Variants in GABBR1 observed in about 807,000 individuals in gnomAD.
GABBR1 encodes GABA-B receptor, R1 subunit.
In GABBR1, 35 loss-of-function variants were observed where a neutral mutation model predicts 117.7. That is an observed-to-expected ratio of 0.30 (90% CI 0.23 to 0.39). The LOEUF is 0.39. GABBR1 is among the 10% of genes least tolerant of loss of function. The pLI, the probability that GABBR1 is intolerant of heterozygous loss-of-function variation, is 1.00. For synonymous variants in GABBR1, 442 were observed against 486.6 expected, an observed-to-expected ratio of 0.91 and a Z score of 1.21; for missense variants, 709 against 1,241.8, an observed-to-expected ratio of 0.57 and a Z score of 6.45.
At chr6:29,616,983 TAAAAAAA>T (rs28383952) in intron 11 of GABBR1, among the ~76,000 whole-genome samples, 2 of 71,680 alleles carry the variant, frequency 2.8e-5, no homozygotes, top group African/African-American at 5.0e-5. Context: ...CCGTCTCTAC[TAAAAAAA>T]AAAAAAAAAA....
chr6:29,621,638 C>G lies in GABBR1; in HGVS notation c.1131+114G>C, dbSNP rs1024630237. 1.5e-5 allele frequency: 13 copies of G among 879,684 alleles called. No individual in the cohort carries two copies. The African/African-American group carries it at 2.2e-4, about 15-fold the overall frequency. The allele number at this position is 879,684 out of a possible 1,614,324, so 54.5% of individuals were successfully genotyped here. On this transcript the variant is annotated intron_variant, in intron 10 of 22. Transcript: ENST00000377034. The surrounding 1 kb of genome is among the most constrained non-coding windows in gnomAD (Gnocchi z 5.0). ...CAACAGACAGAGACATCCTATGAAT[C>G]GTCACCTCAGATCATATGCTATCAA...
intron 4 of GABBR1, 200 bp from the exon 5 acceptor site, chr6:29,629,307 G>T (rs567823196): frequency 2.9e-6 from 2 of 700,380 alleles, no homozygotes; most frequent in Admixed American, 2.0e-5. Flanking sequence ...TTTCTTCTTC[G>T]ATTTTTCATA....
chr6:29,604,439 A>G lies in GABBR1; in HGVS notation c.2712+55T>C. On this transcript the variant is annotated intron_variant, in intron 22 of 22. Coordinates refer to ENST00000377034, the MANE Select transcript of GABBR1 (RefSeq NM_001470.4). This position sits in a 1 kb window ranked among gnomAD's most constrained non-coding sequence, Gnocchi z 5.3. ...GCTTGGCTTCAGACAACCCAAGCTA[A>G]GACGCAAGCCTCCTGGACCACTCCA... 6.2e-7 allele frequency: 1 copy of G among 1,608,738 alleles called. No individual in the cohort carries two copies. The highest frequency in any genetic ancestry group is 8.5e-7 in the Non-Finnish European group (1 of 1,176,314).
chr6:29,605,646 C>A lies in GABBR1; in HGVS notation c.2362G>T (p.Ala788Ser), dbSNP rs748804622. The A allele has an allele frequency of 6.2e-7, 1 of 1,613,104 alleles. No individual in the cohort carries two copies. The highest frequency in any genetic ancestry group is 1.1e-5 in the South Asian group (1 of 91,078). The change falls in exon 20 of 23, where the codon GCT becomes TCT. Residue 788 changes from alanine (A) to serine (S), a missense_variant. By Grantham distance (99) the Ala-to-Ser change is moderately conservative. Around this residue, in one of 9 missense-constraint regions of GABBR1, gnomAD observed 251 missense variants for 445.3 expected, o/e 0.56. Transcript: ENST00000377034. The surrounding 1 kb of genome is among the most constrained non-coding windows in gnomAD (Gnocchi z 4.2). ...GLLLLLGIFLAYETKSVSTEK... is the reference protein window; with the variant it reads ...GLLLLLGIFLSYETKSVSTEK... Reference sequence around the variant, plus strand: ...GTGGACACACTCTTGGTCTCATAAGCAAGGAAGATTCCCAGCAGCAGCAGC... The same window carrying A: ...GTGGACACACTCTTGGTCTCATAAGAAAGGAAGATTCCCAGCAGCAGCAGC...
At chr6:29,624,838 GT>G in intron 6 of GABBR1, among the ~76,000 whole-genome samples, 1 of 152,112 alleles carries the variant, frequency 6.6e-6, no homozygotes, top group East Asian at 1.9e-4. Flanking sequence ...CCAGCCTTGG[GT>G]CTCCCACTGC....
chr6:29,629,665 G>A (rs1764755237), intron 4 of GABBR1, among the ~76,000 whole-genome samples: 1 of 152,136 alleles, frequency 6.6e-6, no homozygotes, highest in Non-Finnish European at 1.5e-5. Flanking sequence ...ACTGAGTTAT[G>A]TGAGGAAAGT....
chr6:29,613,585 T>C lies in GABBR1; in HGVS notation c.1324-100A>G. 7.1e-7 allele frequency: 1 copy of C among 1,401,024 alleles called. No individual in the cohort carries two copies. Among genetic ancestry groups the C allele is most frequent in the Non-Finnish European group, 9.8e-7 (1 of 1,020,906 alleles). 86.8% of individuals were successfully genotyped at this position (1,401,024 alleles called of 1,614,324 possible). ...ACTCAATCACTTCTACTTGAATGGA[T>C]GGTTTGTGTTACTGTTGTCAGATTG... is the stretch of plus-strand genomic sequence containing the variant. On this transcript the variant is annotated intron_variant, in intron 11 of 22. Coordinates refer to ENST00000377034, the MANE Select transcript of GABBR1 (RefSeq NM_001470.4). This position sits in a 1 kb window ranked among gnomAD's most constrained non-coding sequence, Gnocchi z 4.1.
At chr6:29,612,500 C>T (rs1762651186) in intron 13 of GABBR1, 51 bp downstream of exon 13, 2 of 1,534,918 alleles carry the variant, frequency 1.3e-6, no homozygotes, top group African/African-American at 2.7e-5. Context: ...GCATCCCAGC[C>T]CAGCCCCAGC....
chr6:29,621,337 T>C lies in GABBR1; in HGVS notation c.1132-45A>G. 1 of 1,533,278 alleles carries C rather than the reference T, an allele frequency of 6.5e-7. No homozygotes were observed. Among genetic ancestry groups the C allele is most frequent in the Non-Finnish European group, 9.0e-7 (1 of 1,116,748 alleles). 95.0% of individuals were successfully genotyped at this position (1,533,278 alleles called of 1,614,324 possible). A position where few individuals can be genotyped will look rare whatever the true frequency, so the allele number is the denominator to read the frequency against. The stretch of plus-strand genomic sequence containing the variant: ...GCTGAGTTTTTGTTTGCTCATTTGT[T>C]TGTTTTTGTCTTATCTCACTTGATA... On this transcript the variant is annotated intron_variant, in intron 10 of 22. Transcript: ENST00000377034. This position sits in a 1 kb window ranked among gnomAD's most constrained non-coding sequence, Gnocchi z 5.0.
Position 29,630,235 on chromosome 6 carries a change from A to G in GABBR1, c.475+223T>C, listed in dbSNP as rs3025624. The G allele has an allele frequency of 4.5e-6, 2 of 441,468 alleles. No individual in the cohort carries two copies. Among genetic ancestry groups the G allele is most frequent in the African/African-American group, 3.9e-5 (2 of 51,082 alleles). The allele number at this position is 441,468 out of a possible 1,614,324, so 27.3% of individuals were successfully genotyped here. A position where few individuals can be genotyped will look rare whatever the true frequency, so the allele number is the denominator to read the frequency against. ...GAATCGGGAGCAGGAAGATTTTTTT[A>G]AAAGGTAAAGGAAGGAAGCCCCCAA... On this transcript the variant is annotated intron_variant, in intron 4 of 22. Coordinates refer to ENST00000377034, the MANE Select transcript of GABBR1 (RefSeq NM_001470.4). This position sits in a 1 kb window ranked among gnomAD's most constrained non-coding sequence, Gnocchi z 4.9.
Position 29,602,661 on chromosome 6 carries a change from T to G in GABBR1, c.*882A>C, listed in dbSNP as rs549568955. ...ATATGGCTCTGTCAGAAGAATACCA[T>G]GATTTAAGGGAAGAAAGTACACAAG... On this transcript the variant is annotated 3_prime_UTR_variant, in exon 23 of 23. Coordinates refer to ENST00000377034, the MANE Select transcript of GABBR1 (RefSeq NM_001470.4). 11 of 260,918 alleles carry G rather than the reference T, an allele frequency of 4.2e-5. No individual in the cohort carries two copies. Among genetic ancestry groups the G allele is most frequent in the Admixed American group, 2.1e-4 (4 of 19,420 alleles). 16.2% of individuals were successfully genotyped at this position (260,918 alleles called of 1,614,324 possible).
At chr6:29,624,099 C>T in intron 6 of GABBR1, 75 bp from the exon 7 acceptor site, 2 of 1,390,462 alleles carry the variant, frequency 1.4e-6, no homozygotes, top group South Asian at 1.6e-5. Flanking sequence ...TCTTATCTTT[C>T]TCGAACAAAT....
Position 29,627,713 on chromosome 6 carries a change from C to G in GABBR1, c.497-67G>C. The G allele has an allele frequency of 2.0e-6, 3 of 1,524,966 alleles. No homozygotes were observed. The highest frequency in any genetic ancestry group is 1.4e-5 in the African/African-American group (1 of 72,638). 94.5% of individuals were successfully genotyped at this position (1,524,966 alleles called of 1,614,324 possible). On this transcript the variant is annotated intron_variant, in intron 5 of 22. Transcript: ENST00000377034. The surrounding 1 kb of genome is among the most constrained non-coding windows in gnomAD (Gnocchi z 4.4). ...AGATGGGGGGAGTGGGAGGCCCACACCGGAGCCACCCCTGCCGCCATCACA... is the reference window on the plus strand; with the variant it reads ...AGATGGGGGGAGTGGGAGGCCCACAGCGGAGCCACCCCTGCCGCCATCACA...
rs1430749456 is a variant in GABBR1 at position 29,609,435 on chromosome 6, A to AG, written c.1709-57dup. On this transcript the variant is annotated intron_variant, in intron 14 of 22. Coordinates refer to ENST00000377034, the MANE Select transcript of GABBR1 (RefSeq NM_001470.4). This position sits in a 1 kb window ranked among gnomAD's most constrained non-coding sequence, Gnocchi z 4.3. Reference sequence around the variant, plus strand: ...GGAAAAGAGAAGGGAAGGAGGACAAAGGAATGAAGACGGGATAGGAGAAAA... The same window carrying AG: ...GGAAAAGAGAAGGGAAGGAGGACAAAGGGAATGAAGACGGGATAGGAGAAAA... 6.7e-6 allele frequency: 10 copies of AG among 1,499,858 alleles called. No homozygotes were observed. Among genetic ancestry groups the AG allele is most frequent in the Admixed American group, 1.7e-5 (1 of 58,702 alleles). 92.9% of individuals were successfully genotyped at this position (1,499,858 alleles called of 1,614,324 possible). A position where few individuals can be genotyped will look rare whatever the true frequency, so the allele number is the denominator to read the frequency against.
chr6:29,605,077 G>C lies in GABBR1; in HGVS notation c.2440-89C>G. 2 of 1,336,126 alleles carry C rather than the reference G, an allele frequency of 1.5e-6. No homozygotes were observed. The highest frequency in any genetic ancestry group is 2.0e-6 in the Non-Finnish European group (2 of 990,246). The allele number at this position is 1,336,126 out of a possible 1,614,324, so 82.8% of individuals were successfully genotyped here. On this transcript the variant is annotated intron_variant, in intron 20 of 22. Coordinates refer to ENST00000377034, the MANE Select transcript of GABBR1 (RefSeq NM_001470.4). The surrounding 1 kb of genome is among the most constrained non-coding windows in gnomAD (Gnocchi z 4.2). The stretch of plus-strand genomic sequence containing the variant: ...CTTCCCATGGGAGGGAGTCTATGCA[G>C]ACAGTTTCCTGGTGAACTTTCCCTT...
chr6:29,620,981 C>T lies in GABBR1; in HGVS notation c.1323+120G>A. The stretch of plus-strand genomic sequence containing the variant: ...GCAGACAAGTTCAGGGTGGGCACAG[C>T]CCCCTCTTCTCCTTTATATCCAAAT... On this transcript the variant is annotated intron_variant, in intron 11 of 22. Coordinates refer to ENST00000377034, the MANE Select transcript of GABBR1 (RefSeq NM_001470.4). The surrounding 1 kb of genome is among the most constrained non-coding windows in gnomAD (Gnocchi z 4.5). The T allele has an allele frequency of 1.3e-6, 1 of 761,986 alleles. No homozygotes were observed. Among genetic ancestry groups the T allele is most frequent in the Non-Finnish European group, 2.1e-6 (1 of 479,724 alleles). The allele number at this position is 761,986 out of a possible 1,614,324, so 47.2% of individuals were successfully genotyped here.
rs756755684 is a variant in GABBR1 at position 29,603,383 on chromosome 6, A to C, written c.*160T>G. ...GTTTCCCAGAGGTATGAGAGACCCAAATCAGCCCAGAACTCACAGGGGGAC... is the reference window on the plus strand; with the variant it reads ...GTTTCCCAGAGGTATGAGAGACCCACATCAGCCCAGAACTCACAGGGGGAC... On this transcript the variant is annotated 3_prime_UTR_variant, in exon 23 of 23. Transcript: ENST00000377034. The C allele has an allele frequency of 2.7e-6, 2 of 738,178 alleles. No individual in the cohort carries two copies. Among genetic ancestry groups the C allele is most frequent in the South Asian group, 3.0e-5 (2 of 67,236 alleles). The allele number at this position is 738,178 out of a possible 1,614,324, so 45.7% of individuals were successfully genotyped here. A position where few individuals can be genotyped will look rare whatever the true frequency, so the allele number is the denominator to read the frequency against.
rs1763853983 is a variant in GABBR1 at position 29,622,471 on chromosome 6, C to T, written c.964-266G>A. 3 of 479,722 alleles carry T rather than the reference C, an allele frequency of 6.3e-6. No individual in the cohort carries two copies. Among genetic ancestry groups the T allele is most frequent in the Non-Finnish European group, 1.1e-5 (3 of 268,090 alleles). 29.7% of individuals were successfully genotyped at this position (479,722 alleles called of 1,614,324 possible). On this transcript the variant is annotated intron_variant, in intron 8 of 22. Transcript: ENST00000377034. The surrounding 1 kb of genome is among the most constrained non-coding windows in gnomAD (Gnocchi z 4.6). The stretch of plus-strand genomic sequence containing the variant: ...AAGCCACTCCATTCACCCACTCCTA[C>T]CACTGAAGGCAAAGATGGGGTAAAG...
rs29224 is a variant in GABBR1 at position 29,613,566 on chromosome 6, T to A, written c.1324-81A>T. 0.099 allele frequency: 147,976 copies of A among 1,493,366 alleles called. 7,882 individuals are homozygous for A. Among genetic ancestry groups the A allele is most frequent in the Middle Eastern group, 0.17 (808 of 4,858 alleles). 92.5% of individuals were successfully genotyped at this position (1,493,366 alleles called of 1,614,324 possible). ...GGGGTGCAATCCAATTCTGACTCAATCACTTCTACTTGAATGGATGGTTTG... is the reference window on the plus strand; with the variant it reads ...GGGGTGCAATCCAATTCTGACTCAAACACTTCTACTTGAATGGATGGTTTG... On this transcript the variant is annotated intron_variant, in intron 11 of 22. Coordinates refer to ENST00000377034, the MANE Select transcript of GABBR1 (RefSeq NM_001470.4). The surrounding 1 kb of genome is among the most constrained non-coding windows in gnomAD (Gnocchi z 4.1).
Sources: allele counts gnomAD v4.1 joint callset (sites outside exome capture counted in the v4.1 genomes callset), GRCh38; gene constraint gnomAD v4.1.1; regional missense constraint gnomAD v4.1.1; non-coding constraint Gnocchi (gnomAD v3.1); transcripts MANE v1.5; gene names NCBI Gene and HGNC (gene_info 2026-07-23, HGNC 2026-07-21).